LHFPL3: variants seen among roughly 807,000 people sequenced by gnomAD.
LHFPL3 encodes the protein LHFPL tetraspan subfamily member 3 protein.
A neutral mutation model predicts 19.3 loss-of-function variants in LHFPL3; 5 were observed. The ratio of observed to expected loss-of-function variants is 0.26; its 90% CI spans 0.14 to 0.54. The LOEUF is 0.54. Among genes scored for constraint, LHFPL3 ranks in the 20% least tolerant of loss-of-function variants. LHFPL3 has a pLI of 0.94. For synonymous variants in LHFPL3, 133 were observed against 126.2 expected (o/e 1.05, Z -0.36); for missense variants, 249 against 307.4 (o/e 0.81, Z 1.42).
At chr7:104,462,774 C>A (rs957198068) in intron 1 of LHFPL3, among the ~76,000 whole-genome samples, 2 of 152,014 alleles carry the variant, frequency 1.3e-5, no homozygotes, top group Admixed American at 6.6e-5. Flanking sequence ...TGGGAGGAGT[C>A]CCTCCTCCTC....
intron 2 of LHFPL3, among the ~76,000 whole-genome samples, chr7:104,860,182 A>C (rs75245724): frequency 5.6e-4 from 78 of 138,684 alleles, no homozygotes; most frequent in Middle Eastern, 3.6e-3. Context: ...ACCCACCCAC[A>C]CACACACACA....
chr7:104,832,685 C>A (rs1235024988), intron 2 of LHFPL3, among the ~76,000 whole-genome samples: 1 of 143,148 alleles, frequency 7.0e-6, no homozygotes, highest in East Asian at 2.1e-4. Context: ...GTTAGAATAA[C>A]CCAGTCCTCG....
In LHFPL3 at chr7:104,906,373, A is replaced by C; in HGVS notation, c.*158A>C. On this transcript the variant is annotated 3_prime_UTR_variant, in exon 3 of 3. Coordinates refer to ENST00000424859, the MANE Select transcript of LHFPL3 (RefSeq NM_199000.3). ...GAATGGAACATTCACTTGTCAACGC[A>C]CTTTCTAAATCTAGATCAGCAGAGA... The C allele has an allele frequency of 2.4e-6, 2 of 838,676 alleles. No individual in the cohort carries two copies. The highest frequency in any genetic ancestry group is 2.8e-5 in the East Asian group (1 of 36,014). The allele number at this position is 838,676 out of a possible 1,614,324, so 52.0% of individuals were successfully genotyped here. A position where few individuals can be genotyped will look rare whatever the true frequency, so the allele number is the denominator to read the frequency against.
At chr7:104,358,440 T>G (rs1336740032) in intron 1 of LHFPL3, among the ~76,000 whole-genome samples, 1 of 152,208 alleles carries the variant, frequency 6.6e-6, no homozygotes, top group Non-Finnish European at 1.5e-5. Context: ...CAGTTTCATA[T>G]GTTTACCTTT....
At chr7:104,793,633 A>T (rs191519811) in intron 2 of LHFPL3, among the ~76,000 whole-genome samples, 206 of 152,336 alleles carry the variant, frequency 1.4e-3, no homozygotes, top group African/African-American at 4.8e-3. Context: ...ACCTGCACTG[A>T]CAGCTGACCA....
intron 2 of LHFPL3, among the ~76,000 whole-genome samples, chr7:104,868,038 C>T (rs1791763242): frequency 6.6e-6 from 1 of 152,116 alleles, no homozygotes; most frequent in Non-Finnish European, 1.5e-5. Context: ...ACCCTTCATG[C>T]TAAAAACTCT....
chr7:104,891,358 C>G (rs1384525680), intron 2 of LHFPL3, among the ~76,000 whole-genome samples: 1 of 151,994 alleles, frequency 6.6e-6, no homozygotes, highest in East Asian at 1.9e-4. Context: ...GAAGGGCAAG[C>G]AGGCGTGCGA....
intron 1 of LHFPL3, among the ~76,000 whole-genome samples, chr7:104,435,939 T>C (rs900963698): frequency 6.6e-6 from 1 of 152,150 alleles, no homozygotes. Flanking sequence ...TATAAATGTA[T>C]TTGATCTGAG....
In LHFPL3 at chr7:104,907,636, T is replaced by C. The variant is rs1404612316; in HGVS notation, c.*1421T>C. ...TTAATGGAAGCCAAACCATGTTCTA[T>C]ACCTAAGGAGAAAACATGGACATGT... On this transcript the variant is annotated 3_prime_UTR_variant, in exon 3 of 3. Coordinates refer to ENST00000424859, the MANE Select transcript of LHFPL3 (RefSeq NM_199000.3). 6.6e-6 allele frequency among the ~76,000 whole-genome samples: 1 copy of C among 152,232 alleles called. No individual in the cohort carries two copies. Among genetic ancestry groups the C allele is most frequent in the Non-Finnish European group, 1.5e-5 (1 of 68,032 alleles).
At chr7:104,547,922 T>G (rs368328303) in intron 1 of LHFPL3, among the ~76,000 whole-genome samples, 1 of 152,312 alleles carries the variant, frequency 6.6e-6, no homozygotes, top group East Asian at 1.9e-4. Context: ...AATCTTTTCA[T>G]TTGATCTCAC....
chr7:104,803,675 C>T (rs1478067949), intron 2 of LHFPL3: 1 of 152,238 alleles, frequency 6.6e-6, no homozygotes, highest in East Asian at 1.9e-4. Flanking sequence ...AGTTCCCTTA[C>T]CCTCCTGAGT....
chr7:104,788,607 G>T (rs1448612850), intron 2 of LHFPL3, among the ~76,000 whole-genome samples: 1 of 151,998 alleles, frequency 6.6e-6, no homozygotes. Context: ...AAAGCCAGTT[G>T]GTACCATGAC....
At position 104,535,755 on chromosome 7, in the gene LHFPL3, A is replaced by G. The variant is rs553275162; in HGVS notation, c.446-200920A>G. ...AACCTGGGAGAATCATTGGCAACCA[A>G]TGAGACAAGAAAGAAGAGATGCAGA... On this transcript the variant is annotated intron_variant, in intron 1 of 2. Coordinates refer to ENST00000424859, the MANE Select transcript of LHFPL3 (RefSeq NM_199000.3). Among the ~76,000 whole-genome samples, 5 of 152,354 alleles carry G rather than the reference A, an allele frequency of 3.3e-5. No individual in the cohort carries two copies. The South Asian group carries it at 8.3e-4, about 25-fold the overall frequency.
chr7:104,845,326 A>G (rs1584572028), intron 2 of LHFPL3: 1 of 948,000 alleles, frequency 1.1e-6, no homozygotes, highest in East Asian at 2.6e-5. Context: ...TAAAAAATGA[A>G]GTGTGAGCTC....
chr7:104,430,406 A>ATATGTGTATATATATATATATATG (rs1562895153), intron 1 of LHFPL3, among the ~76,000 whole-genome samples: 3 of 31,400 alleles, frequency 9.6e-5, no homozygotes, highest in African/African-American at 6.3e-4. Context: ...ATATATATAC[A>ATATGTGTATATATATATATATATG]TATATATATA....
At chr7:104,340,024 A>G (rs1270198538) in intron 1 of LHFPL3, among the ~76,000 whole-genome samples, 1 of 152,202 alleles carries the variant, frequency 6.6e-6, no homozygotes, top group Non-Finnish European at 1.5e-5. Flanking sequence ...AATAGACTTG[A>G]GCAGTTTCTG....
At chr7:104,537,217 C>T (rs1370585999) in intron 1 of LHFPL3, among the ~76,000 whole-genome samples, 1 of 152,136 alleles carries the variant, frequency 6.6e-6, no homozygotes, top group Non-Finnish European at 1.5e-5. Context: ...GCTTGCTAAT[C>T]TAAAAAGAGA....
intron 2 of LHFPL3, among the ~76,000 whole-genome samples, chr7:104,839,945 T>C (rs1244333605): frequency 6.6e-6 from 1 of 152,134 alleles, no homozygotes; most frequent in Non-Finnish European, 1.5e-5. Context: ...GTCCTCTGAG[T>C]TTTTGTTTCC....
In LHFPL3 at chr7:104,513,846, A is replaced by G. The variant is rs573540213; in HGVS notation, c.445+184622A>G. On this transcript the variant is annotated intron_variant, in intron 1 of 2. Transcript: ENST00000424859. ...TTCAAGTGATTGCAAAGTACAGCCA[A>G]GGTTGAGAACCACTGGTTAAACAGA... Among the ~76,000 whole-genome samples the G allele has an allele frequency of 3.3e-4, 50 of 152,330 alleles. 1 individual carries two copies. The highest frequency in any genetic ancestry group is 1.9e-3 in the Admixed American group (29 of 15,294).
Sources: gnomAD v4.1 joint callset for allele counts (sites outside exome capture counted in the v4.1 genomes callset) on GRCh38, gnomAD v4.1.1 for gene constraint, MANE v1.5 for transcripts, NCBI Gene and HGNC (gene_info 2026-07-23, HGNC 2026-07-21) for gene names.